PIH1D2: variants seen among roughly 807,000 people sequenced by gnomAD.
PIH1D2 encodes PIH1 domain-containing protein 2.
PIH1D2 carries 25 observed loss-of-function variants against 31.2 expected under a neutral mutation model. That is an observed-to-expected ratio of 0.80 (90% CI 0.58 to 1.12). The LOEUF is 1.12. PIH1D2 is among the 50% of genes most tolerant of loss of function. The pLI is 0.00. For synonymous variants in PIH1D2, 116 were observed against 119.9 expected, an observed-to-expected ratio of 0.97 and a Z score of 0.21; for missense variants, 310 against 356.6, an observed-to-expected ratio of 0.87 and a Z score of 1.05.
At chr11:112,062,529 G>A, downstream of PIH1D2, 1 of 1,612,300 alleles carries the variant, frequency 6.2e-7, no homozygotes, top group Non-Finnish European at 8.5e-7. Context: ...TCACTATGTT[G>A]TTGTAACTAA....
At chr11:112,059,867 C>T (rs1555182995), downstream of PIH1D2, 1 of 1,502,342 alleles carries the variant, frequency 6.7e-7, no homozygotes, top group African/African-American at 1.4e-5. Context: ...TCTTAATAAA[C>T]AGTTTTTTAT....
downstream of PIH1D2, among the ~76,000 whole-genome samples, chr11:112,064,823 AG>A (rs1253460176): frequency 6.6e-6 from 1 of 151,676 alleles, no homozygotes; most frequent in Non-Finnish European, 1.5e-5. Flanking sequence ...TGAAGTCTGT[AG>A]AAAAATCTGG....
chr11:112,057,752 A>G, the PIH1D2 span, among the ~76,000 whole-genome samples: 2 of 151,514 alleles, frequency 1.3e-5, 1 homozygote, highest in South Asian at 4.1e-4. Flanking sequence ...TGAAGCAGCA[A>G]ATTATTCAGA....
chr11:112,056,516 G>A, the PIH1D2 span, among the ~76,000 whole-genome samples: 3 of 152,154 alleles, frequency 2.0e-5, no homozygotes, highest in African/African-American at 2.4e-5. Flanking sequence ...GCATGTATCT[G>A]TAGTTTATTC....
chr11:112,053,708 C>T, the PIH1D2 span, among the ~76,000 whole-genome samples: 2 of 152,164 alleles, frequency 1.3e-5, no homozygotes, highest in African/African-American at 2.4e-5. Flanking sequence ...CCACCTTGGC[C>T]TCCCAAAGTG....
chr11:112,063,871 G>T, downstream of PIH1D2: 4 of 248,170 alleles, frequency 1.6e-5, no homozygotes, highest in Non-Finnish European at 2.3e-5. Context: ...AATTATTTAT[G>T]ACTACTTAAA....
downstream of PIH1D2, among the ~76,000 whole-genome samples, chr11:112,066,771 A>G (rs189485980): frequency 6.6e-6 from 1 of 152,214 alleles, no homozygotes; most frequent in Non-Finnish European, 1.5e-5. Context: ...ACTGAAGTAC[A>G]GAGGTTAGGG....
At chr11:112,071,542 TAAAG>T (rs1475070044) in intron 3 of PIH1D2, 89 bp downstream of exon 3, 3 of 1,442,670 alleles carry the variant, frequency 2.1e-6, no homozygotes, top group African/African-American at 2.9e-5. Flanking sequence ...TATCAACAAA[TAAAG>T]AGTTTTACTT....
chr11:112,061,215 A>G (rs1555183239), downstream of PIH1D2: 2 of 1,610,872 alleles, frequency 1.2e-6, no homozygotes, highest in East Asian at 2.2e-5. Flanking sequence ...GCTAATTTTT[A>G]TTACACTGTA....
the PIH1D2 span, among the ~76,000 whole-genome samples, chr11:112,054,531 C>T: frequency 6.6e-6 from 1 of 152,060 alleles, no homozygotes; most frequent in South Asian, 2.1e-4. Flanking sequence ...TTCTGAAACT[C>T]CACAAGCGAG....
the PIH1D2 span, among the ~76,000 whole-genome samples, chr11:112,057,662 C>T: frequency 6.6e-6 from 1 of 152,108 alleles, no homozygotes; most frequent in Admixed American, 6.5e-5. Context: ...GAGGAAGCCG[C>T]GTAACAGAAG....
rs782702747 is a variant in PIH1D2 at position 112,070,708 on chromosome 11, G to GAAAAAAAAA, written c.548-8_548-7insTTTTTTTTT. 5 of 1,592,698 alleles carry GAAAAAAAAA rather than the reference G, an allele frequency of 3.1e-6. No homozygotes were observed. Among genetic ancestry groups the GAAAAAAAAA allele is most frequent in the Admixed American group, 3.6e-5 (2 of 54,850 alleles). On this transcript the variant is annotated splice_polypyrimidine_tract_variant and splice_region_variant and intron_variant, in intron 4 of 5. Coordinates refer to ENST00000280350, the MANE Select transcript of PIH1D2 (RefSeq NM_138789.4). ...ATCTGTCCAAGAGTTAGTTCTTTAT[G>GAAAAAAAAA]AAAAAAAGGGTGGAGGGGAGATAAA... is the stretch of plus-strand genomic sequence containing the variant.
downstream of PIH1D2, among the ~76,000 whole-genome samples, chr11:112,059,656 G>A (rs148066420): frequency 1.6e-3 from 251 of 152,290 alleles, 2 homozygotes; most frequent in African/African-American, 5.6e-3. Context: ...GCCTCCCAAA[G>A]TGTTGGGATT....
chr11:112,071,614 C>A (rs1555184639), intron 3 of PIH1D2, 21 bp downstream of exon 3: 1 of 1,608,670 alleles, frequency 6.2e-7, no homozygotes, highest in Non-Finnish European at 8.5e-7. Context: ...TTACAATGTG[C>A]TTTCTCTCAA....
downstream of PIH1D2, chr11:112,067,719 A>C (rs1344223588): frequency 9.6e-6 from 3 of 311,010 alleles, no homozygotes; most frequent in African/African-American, 5.8e-5. Context: ...TATATTTGAC[A>C]TAACAGGTGA....
At chr11:112,059,833 TCTTG>T (rs1320626423), downstream of PIH1D2, 1 of 1,352,572 alleles carries the variant, frequency 7.4e-7, no homozygotes, top group African/African-American at 1.5e-5. Flanking sequence ...ATATAAATAT[TCTTG>T]CTTAACCTGG....
chr11:112,070,186 C>T (rs1172043129), intron 5 of PIH1D2: 33 of 592,636 alleles, frequency 5.6e-5, no homozygotes, highest in South Asian at 2.6e-4. Context: ...GCCAGTGGAG[C>T]GTGAGTAGAA....
At chr11:112,056,460 C>T in the PIH1D2 span, among the ~76,000 whole-genome samples, 2 of 152,192 alleles carry the variant, frequency 1.3e-5, no homozygotes, top group Non-Finnish European at 2.9e-5. Flanking sequence ...TTTGCATCTA[C>T]TTTCTTTCAC....
At chr11:112,059,736 G>A (rs1864428293), downstream of PIH1D2, among the ~76,000 whole-genome samples, 1 of 152,146 alleles carries the variant, frequency 6.6e-6, no homozygotes, top group African/African-American at 2.4e-5. Context: ...AGAGGGCACA[G>A]CAAAATGTAA....
Sources: allele counts gnomAD v4.1 joint callset (sites outside exome capture counted in the v4.1 genomes callset), GRCh38; gene constraint gnomAD v4.1.1; transcripts MANE v1.5; gene names NCBI Gene and HGNC (gene_info 2026-07-23, HGNC 2026-07-21).